PDS5B: variants seen among roughly 807,000 people sequenced by gnomAD.
The protein encoded by PDS5B is PDS5 cohesin associated factor B.
In PDS5B, 51 loss-of-function variants were observed where a neutral mutation model predicts 184.1. The ratio of observed to expected loss-of-function variants is 0.28; its 90% confidence interval spans 0.22 to 0.35. PDS5B has a LOEUF of 0.35. PDS5B is among the 10% of genes least tolerant of loss of function. The pLI, the probability that PDS5B is intolerant of heterozygous loss-of-function variation, is 1.00. For missense variants in PDS5B, 1,180 were observed against 1,723.3 expected, an observed-to-expected ratio of 0.68 and a Z score of 5.58; for synonymous variants, 566 against 569.2, an observed-to-expected ratio of 0.99 and a Z score of 0.08.
At chr13:32,645,844 T>C (rs2140641757) in intron 1 of PDS5B, among the ~76,000 whole-genome samples, 1 of 152,338 alleles carries the variant, frequency 6.6e-6, no homozygotes, top group Non-Finnish European at 1.5e-5. Flanking sequence ...CCTTTTTCCG[T>C]TAACATTTGT....
At chr13:32,739,885 T>C (rs1027642525) in intron 21 of PDS5B, among the ~76,000 whole-genome samples, 1 of 152,206 alleles carries the variant, frequency 6.6e-6, no homozygotes, top group Admixed American at 6.5e-5. Context: ...TTATGTTGTT[T>C]GTTTTTATTG....
intron 26 of PDS5B, among the ~76,000 whole-genome samples, chr13:32,757,481 C>G (rs979496457): frequency 1.4e-5 from 2 of 147,568 alleles, no homozygotes; most frequent in Non-Finnish European, 3.0e-5. Context: ...CTTTCTGTCT[C>G]TATAATACAT....
At chr13:32,587,834 C>A (rs995429034) in intron 1 of PDS5B, among the ~76,000 whole-genome samples, 1 of 152,330 alleles carries the variant, frequency 6.6e-6, no homozygotes, top group East Asian at 1.9e-4. Context: ...GAAATAGTTT[C>A]GAAAACTTTG....
At chr13:32,644,534 TTTTC>T (rs1227364263) in intron 1 of PDS5B, among the ~76,000 whole-genome samples, 1 of 152,170 alleles carries the variant, frequency 6.6e-6, no homozygotes, top group Admixed American at 6.5e-5. Flanking sequence ...CTTTATTTCT[TTTTC>T]TTTCCCTCCT....
intron 1 of PDS5B, among the ~76,000 whole-genome samples, chr13:32,634,692 T>A (rs911793316): frequency 6.6e-6 from 1 of 151,968 alleles, no homozygotes; most frequent in Admixed American, 6.6e-5. Flanking sequence ...CAAGCGATTC[T>A]CCTGCCTCAG....
intron 30 of PDS5B, chr13:32,763,528 A>G (rs368193387): frequency 1.3e-5 from 2 of 152,294 alleles, no homozygotes; most frequent in African/African-American, 2.4e-5. Flanking sequence ...TCAGTTGAGA[A>G]TAACTCACTG....
intron 20 of PDS5B, among the ~76,000 whole-genome samples, chr13:32,733,744 T>C (rs1245159182): frequency 6.6e-6 from 1 of 152,152 alleles, no homozygotes; most frequent in Non-Finnish European, 1.5e-5. Flanking sequence ...CAAAAAAGAA[T>C]ATACGGTGAA....
At chr13:32,649,118 T>C (rs1418472574) in intron 2 of PDS5B, 1 of 400,118 alleles carries the variant, frequency 2.5e-6, no homozygotes, top group East Asian at 5.1e-5. Flanking sequence ...TATACTTGGG[T>C]ATAAAGAACA....
At chr13:32,680,251 T>A (rs550157396) in intron 10 of PDS5B, among the ~76,000 whole-genome samples, 12 of 152,124 alleles carry the variant, frequency 7.9e-5, no homozygotes, top group Non-Finnish European at 1.8e-4. Flanking sequence ...TGGCAATCTG[T>A]GGCTGTCTGC....
At chr13:32,605,315 A>T (rs937561956) in intron 1 of PDS5B, among the ~76,000 whole-genome samples, 2 of 152,072 alleles carry the variant, frequency 1.3e-5, no homozygotes, top group African/African-American at 4.8e-5. Context: ...TTCTGCCTTC[A>T]TTTCGTTAAA....
chr13:32,686,254 A>T (rs1951386585), intron 11 of PDS5B, among the ~76,000 whole-genome samples: 2 of 152,204 alleles, frequency 1.3e-5, no homozygotes, highest in Admixed American at 6.5e-5. Flanking sequence ...CACTTATTTT[A>T]AAAAAAGTTG....
chr13:32,701,118 A>G (rs900639884), intron 16 of PDS5B: 15 of 443,722 alleles, frequency 3.4e-5, no homozygotes, highest in African/African-American at 2.6e-4. Flanking sequence ...TGACTAGTCT[A>G]CCTTTTCCCT....
chr13:32,621,550 A>G (rs533536710), intron 1 of PDS5B, among the ~76,000 whole-genome samples: 14 of 152,342 alleles, frequency 9.2e-5, no homozygotes, highest in African/African-American at 3.4e-4. Context: ...AGTTCTTCCA[A>G]AATTTGGAAC....
At chr13:32,601,424 G>A (rs2057972899) in intron 1 of PDS5B, among the ~76,000 whole-genome samples, 1 of 152,168 alleles carries the variant, frequency 6.6e-6, no homozygotes, top group African/African-American at 2.4e-5. Context: ...GATAAGAATA[G>A]GTTATTTGAT....
intron 19 of PDS5B, 126 bp from the exon 20 acceptor site, chr13:32,731,975 G>A: frequency 1.5e-6 from 1 of 659,646 alleles, no homozygotes; most frequent in East Asian, 3.0e-5. Flanking sequence ...AAGTGAGTTT[G>A]AGTAAATCTT....
chr13:32,683,756 A>G, intron 10 of PDS5B, 122 bp from the exon 11 acceptor site: 1 of 591,866 alleles, frequency 1.7e-6, no homozygotes, highest in Non-Finnish European at 2.9e-6. Context: ...TGGGCTCTTA[A>G]TTTTCTTGAA....
intron 25 of PDS5B, among the ~76,000 whole-genome samples, chr13:32,754,674 T>C (rs1459422374): frequency 3.9e-5 from 6 of 152,192 alleles, no homozygotes; most frequent in Non-Finnish European, 8.8e-5. Context: ...GGCAGATTAC[T>C]TAATCATTTG....
At chr13:32,635,013 T>C (rs964393300) in intron 1 of PDS5B, among the ~76,000 whole-genome samples, 11 of 150,908 alleles carry the variant, frequency 7.3e-5, no homozygotes, top group Admixed American at 6.6e-4. Flanking sequence ...TTTTTTTTTT[T>C]TTTTTTTTTA....
chr13:32,691,924 T>C (rs1951561787), intron 13 of PDS5B, among the ~76,000 whole-genome samples: 2 of 152,102 alleles, frequency 1.3e-5, no homozygotes, highest in Non-Finnish European at 2.9e-5. Context: ...TGAATGCAGG[T>C]AATATTGATC....
Sources: gnomAD v4.1 joint callset for allele counts (sites outside exome capture counted in the v4.1 genomes callset) on GRCh38, gnomAD v4.1.1 for gene constraint, MANE v1.5 for transcripts, NCBI Gene and HGNC (gene_info 2026-07-23, HGNC 2026-07-21) for gene names.